ASS1: variants seen among roughly 807,000 people sequenced by gnomAD.
ASS1 encodes argininosuccinate synthase.
Under a neutral mutation model 60.5 loss-of-function variants are expected in ASS1, and 58 were observed. That is an observed-to-expected ratio of 0.96 (90% CI 0.78 to 1.19). The LOEUF (loss-of-function observed/expected upper bound fraction) is 1.19, where lower values mean the gene tolerates loss of function less well. Ranked by LOEUF, ASS1 falls within the 50% of genes most tolerant of loss-of-function variation. The pLI is 0.00. For missense variants in ASS1, 454 were observed against 547.3 expected (o/e 0.83, Z 1.70); for synonymous variants, 200 against 206.9 (o/e 0.97, Z 0.29).
At chr9:130,475,352 A>T (rs1229541416) in intron 8 of ASS1, among the ~76,000 whole-genome samples, 1 of 152,188 alleles carries the variant, frequency 6.6e-6, no homozygotes, top group Non-Finnish European at 1.5e-5. Context: ...CAATTAAAAA[A>T]TATATATATA....
chr9:130,460,231 C>T (rs1016967626), intron 4 of ASS1, among the ~76,000 whole-genome samples: 17 of 152,102 alleles, frequency 1.1e-4, no homozygotes, highest in Non-Finnish European at 1.8e-4. Context: ...ATGGAGGAGA[C>T]GCGGTTGATT....
chr9:130,448,426 A>G (rs375205233), intron 1 of ASS1, among the ~76,000 whole-genome samples: 18,814 of 132,302 alleles, frequency 0.14, 1,454 homozygotes, highest in Middle Eastern at 0.22. Flanking sequence ...GCGCGCGCAC[A>G]CACACACACA....
At chr9:130,446,155 C>T (rs1845189806) in intron 1 of ASS1, among the ~76,000 whole-genome samples, 1 of 152,196 alleles carries the variant, frequency 6.6e-6, no homozygotes, top group Admixed American at 6.5e-5. Context: ...AAGTGCCTGG[C>T]CCCCAAGCTT....
At chr9:130,466,006 T>C (rs1218285479) in intron 5 of ASS1, among the ~76,000 whole-genome samples, 1 of 152,182 alleles carries the variant, frequency 6.6e-6, no homozygotes, top group Non-Finnish European at 1.5e-5. Context: ...GGCTGTGGTC[T>C]TCCCATGGCT....
At chr9:130,454,503 C>A in intron 3 of ASS1, 130 bp downstream of exon 3, 2 of 1,018,806 alleles carry the variant, frequency 2.0e-6, no homozygotes, top group Non-Finnish European at 3.0e-6. Context: ...ATGAGATCAT[C>A]CTGCTCTCAG....
At chr9:130,450,206 T>A in intron 1 of ASS1, 2 of 948,580 alleles carry the variant, frequency 2.1e-6, no homozygotes, top group African/African-American at 3.5e-5. Context: ...GGCTGGAAAG[T>A]AAGGTTTAGG....
intron 12 of ASS1, among the ~76,000 whole-genome samples, chr9:130,490,206 T>C (rs1016341420): frequency 2.0e-5 from 3 of 152,244 alleles, no homozygotes; most frequent in Non-Finnish European, 4.4e-5. Context: ...CCTCATGTGG[T>C]GTAACAGAGG....
intron 9 of ASS1, among the ~76,000 whole-genome samples, chr9:130,479,110 C>A (rs533894375): frequency 2.6e-5 from 4 of 151,992 alleles, no homozygotes; most frequent in Admixed American, 1.3e-4. Flanking sequence ...CTGCCCCCAC[C>A]CAACCCCTTC....
chr9:130,491,890 G>A lies in ASS1; in HGVS notation c.970+2426G>A, dbSNP rs148370040. On this transcript the variant is annotated intron_variant, in intron 12 of 14. Transcript: ENST00000352480. This position sits in a 1 kb window ranked among gnomAD's most constrained non-coding sequence, Gnocchi z 5.3. Reference sequence around the variant, plus strand: ...CCCCACAAACATCAAGATCGGCCTCGGGCAGCAGGCTGACCCCCACAGCTC... The same window carrying A: ...CCCCACAAACATCAAGATCGGCCTCAGGCAGCAGGCTGACCCCCACAGCTC... 1.1e-3 allele frequency among the ~76,000 whole-genome samples: 165 copies of A among 152,276 alleles called. No individual in the cohort carries two copies. Among genetic ancestry groups the A allele is most frequent in the Admixed American group, 2.3e-3 (35 of 15,308 alleles).
chr9:130,480,523 C>G, intron 11 of ASS1, 74 bp downstream of exon 11: 1 of 1,508,256 alleles, frequency 6.6e-7, no homozygotes. Context: ...ACCCTGTCCC[C>G]TTTGGACGCT....
At position 130,466,887 on chromosome 9, in the gene ASS1, G is replaced by A. The variant is rs1338417644; in HGVS notation, c.495+88G>A. 55 of 1,461,018 alleles carry A rather than the reference G, an allele frequency of 3.8e-5. No homozygotes were observed. In the East Asian group the frequency reaches 1.2e-3, roughly 32 times the overall value. The allele number at this position is 1,461,018 out of a possible 1,614,324, so 90.5% of individuals were successfully genotyped here. On this transcript the variant is annotated intron_variant, in intron 6 of 14. Coordinates refer to ENST00000352480, the MANE Select transcript of ASS1 (RefSeq NM_054012.4). ...CTGCTGGGGGCTGTCTGAGCCAGTG[G>A]CCTAGGCCGGGACTGACCCCATGTG...
intron 8 of ASS1, among the ~76,000 whole-genome samples, chr9:130,475,153 C>G (rs1172383637): frequency 6.6e-6 from 1 of 152,178 alleles, no homozygotes; most frequent in Non-Finnish European, 1.5e-5. Flanking sequence ...CACTCTAACA[C>G]AGAGCCACAG....
chr9:130,445,504 C>T (rs541136757), intron 1 of ASS1, among the ~76,000 whole-genome samples: 1 of 152,356 alleles, frequency 6.6e-6, no homozygotes, highest in African/African-American at 2.4e-5. Context: ...TCCCCGCAGC[C>T]TCAGTTTACC....
intron 6 of ASS1, among the ~76,000 whole-genome samples, chr9:130,468,942 G>A (rs1309488857): frequency 1.3e-5 from 2 of 152,206 alleles, no homozygotes; most frequent in African/African-American, 4.8e-5. Flanking sequence ...AGAGAGGCTG[G>A]GAAACACAAA....
At chr9:130,447,623 C>A (rs1007570362) in intron 1 of ASS1, among the ~76,000 whole-genome samples, 1 of 152,194 alleles carries the variant, frequency 6.6e-6, no homozygotes, top group Non-Finnish European at 1.5e-5. Context: ...TGGGCATTTG[C>A]CAGGGAGCTG....
chr9:130,458,694 C>T (rs1845510698), intron 4 of ASS1, 105 bp downstream of exon 4: 1 of 1,457,642 alleles, frequency 6.9e-7, no homozygotes, highest in East Asian at 2.5e-5. Flanking sequence ...CCGGGGCAGA[C>T]TTGGTGCAAG....
chr9:130,495,692 G>T (rs1428790471), intron 13 of ASS1, among the ~76,000 whole-genome samples: 1 of 152,050 alleles, frequency 6.6e-6, no homozygotes, highest in East Asian at 1.9e-4. Context: ...GGCTGCTCTG[G>T]AGAACGGATT....
chr9:130,473,382 C>T (rs963431540), intron 8 of ASS1, among the ~76,000 whole-genome samples: 6 of 152,130 alleles, frequency 3.9e-5, no homozygotes, highest in Non-Finnish European at 8.8e-5. Context: ...GTCCAAGGTC[C>T]TCTCAGGGAC....
chr9:130,486,342 T>G (rs1192223418), intron 11 of ASS1, among the ~76,000 whole-genome samples: 4 of 152,124 alleles, frequency 2.6e-5, no homozygotes, highest in Admixed American at 6.5e-5. Context: ...CCTCCCTCCT[T>G]GGCCTCCCAA....
Sources: allele counts gnomAD v4.1 joint callset (sites outside exome capture counted in the v4.1 genomes callset), GRCh38; gene constraint gnomAD v4.1.1; non-coding constraint Gnocchi (gnomAD v3.1); transcripts MANE v1.5; gene names NCBI Gene and HGNC (gene_info 2026-07-23, HGNC 2026-07-21).